Variants in ADAM12 observed in about 807,000 individuals in gnomAD.
ADAM12 encodes disintegrin and metalloproteinase domain-containing protein 12.
Under a neutral mutation model 106.4 loss-of-function variants are expected in ADAM12, and 70 were observed. That is an observed-to-expected ratio of 0.66 (90% CI 0.54 to 0.80). The LOEUF (loss-of-function observed/expected upper bound fraction) is 0.80. Ranked by LOEUF, ADAM12 falls within the 30% of genes least tolerant of loss-of-function variation. The pLI, the probability that ADAM12 is intolerant of heterozygous loss-of-function variation, is 0.00. For synonymous variants in ADAM12, 420 were observed against 433.5 expected (o/e 0.97, Z 0.39); for missense variants, 1,010 against 1,171.9 (o/e 0.86, Z 2.02).
At chr10:126,373,840 C>T (rs1856193300) in intron 1 of ADAM12, among the ~76,000 whole-genome samples, 1 of 152,162 alleles carries the variant, frequency 6.6e-6, no homozygotes, top group South Asian at 2.1e-4. Flanking sequence ...GAGCATCCAC[C>T]CACTGCCAAA....
chr10:126,072,184 C>A (rs1398229216), intron 11 of ADAM12, among the ~76,000 whole-genome samples: 2 of 152,164 alleles, frequency 1.3e-5, no homozygotes, highest in Non-Finnish European at 2.9e-5. Context: ...TATCTTCCCC[C>A]AGCACAGTTG....
At chr10:126,256,340 G>A (rs989182873) in intron 3 of ADAM12, among the ~76,000 whole-genome samples, 2 of 152,152 alleles carry the variant, frequency 1.3e-5, no homozygotes, top group South Asian at 4.1e-4. Context: ...TTTATGACCT[G>A]GACCCTTTGT....
intron 21 of ADAM12, among the ~76,000 whole-genome samples, chr10:126,020,992 C>CAAAA (rs3067295): frequency 0.18 from 17,336 of 97,854 alleles, 1,830 homozygotes; most frequent in East Asian, 0.25. Context: ...GACTCTGTCT[C>CAAAA]AAAAAAAAAA....
intron 11 of ADAM12, among the ~76,000 whole-genome samples, chr10:126,086,607 G>A (rs1169703478): frequency 7.9e-6 from 1 of 125,854 alleles, no homozygotes; most frequent in African/African-American, 3.1e-5. Context: ...AACCTGGGAT[G>A]CAGAGGTTGC....
At chr10:126,045,044 G>T (rs1954277963) in intron 17 of ADAM12, among the ~76,000 whole-genome samples, 1 of 152,170 alleles carries the variant, frequency 6.6e-6, no homozygotes, top group African/African-American at 2.4e-5. Flanking sequence ...GCAAATGCGG[G>T]CCTCTCCGCT....
intron 20 of ADAM12, among the ~76,000 whole-genome samples, chr10:126,037,040 CCAATCAT>C (rs1192434212): frequency 1.3e-5 from 2 of 152,174 alleles, no homozygotes; most frequent in East Asian, 3.9e-4. Context: ...CCCTCTCCCT[CCAATCAT>C]CAGTCTGCTT....
chr10:126,014,312 G>GTTTTTTTTTTTTTTTTTT lies in ADAM12; in HGVS notation c.*2966_*2967insAAAAAAAAAAAAAAAAAA, dbSNP rs145629858. 7 of 87,670 alleles carry GTTTTTTTTTTTTTTTTTT rather than the reference G, an allele frequency of 8.0e-5. 1 individual carries two copies. Among genetic ancestry groups the GTTTTTTTTTTTTTTTTTT allele is most frequent in the African/African-American group, 1.7e-4 (4 of 23,880 alleles). 5.4% of individuals were successfully genotyped at this position (87,670 alleles called of 1,614,324 possible). Reference sequence around the variant, plus strand: ...AGAACATTTTGACACAGTTTTAGCCGGTTTTTTTTTTTTTTTTTTTTTTTT... The same window carrying GTTTTTTTTTTTTTTTTTT: ...AGAACATTTTGACACAGTTTTAGCCGTTTTTTTTTTTTTTTTTTGTTTTTTTTTTTTTTTTTTTTTTTT... On this transcript the variant is annotated 3_prime_UTR_variant, in exon 23 of 23. Transcript: ENST00000448723.
At chr10:126,041,927 A>G in intron 18 of ADAM12, 1 of 1,413,524 alleles carries the variant, frequency 7.1e-7, no homozygotes, top group Non-Finnish European at 9.2e-7. Context: ...TCAACCAGGA[A>G]GTCGCTGCCC....
At chr10:126,223,641 G>A (rs965321392) in intron 3 of ADAM12, among the ~76,000 whole-genome samples, 10 of 152,214 alleles carry the variant, frequency 6.6e-5, no homozygotes, top group African/African-American at 9.6e-5. Flanking sequence ...AGAGCAGCCC[G>A]CGTGGCCCTT....
chr10:126,368,181 T>C (rs1012972601), intron 1 of ADAM12, among the ~76,000 whole-genome samples: 9 of 151,878 alleles, frequency 5.9e-5, no homozygotes, highest in Non-Finnish European at 1.2e-4. Flanking sequence ...AACAAATGAA[T>C]GGGCATACTA....
chr10:126,040,646 C>A lies in ADAM12; in HGVS notation c.2105-1217G>T, dbSNP rs138427211. ...TGGGCAAAATGTCACTCTTTTCAGA[C>A]CCTTAGTAGTGATCACAGGGGGCTC... On this transcript the variant is annotated intron_variant, in intron 18 of 22. Coordinates refer to ENST00000448723, the MANE Select transcript of ADAM12 (RefSeq NM_001288973.2). 4.2e-3 allele frequency among the ~76,000 whole-genome samples: 644 copies of A among 152,270 alleles called. 2 individuals are homozygous for A. The highest frequency in any genetic ancestry group is 5.8e-3 in the Admixed American group (88 of 15,298).
chr10:126,051,655 G>GCCAGCCA (rs1182485422), intron 14 of ADAM12, among the ~76,000 whole-genome samples: 1 of 145,942 alleles, frequency 6.9e-6, no homozygotes, highest in African/African-American at 2.6e-5. Flanking sequence ...CCAGCCAGCC[G>GCCAGCCA]GCCACCCATC....
At chr10:126,279,091 C>A (rs17154652) in intron 2 of ADAM12, 103 bp from the exon 3 acceptor site, 2 of 825,780 alleles carry the variant, frequency 2.4e-6, no homozygotes, top group African/African-American at 1.7e-5. Flanking sequence ...ATAAACGATG[C>A]GGTCAACCTA....
Position 126,243,730 on chromosome 10 carries a change from G to A in ADAM12, c.260+35185C>T, listed in dbSNP as rs143268057. On this transcript the variant is annotated intron_variant, in intron 3 of 22. Coordinates refer to ENST00000448723, the MANE Select transcript of ADAM12 (RefSeq NM_001288973.2). ...TACCCTGCTTTGTAGGTGTTTATAC[G>A]CAACTATCTAGACATTTTAGAGAAC... 7.4e-3 allele frequency among the ~76,000 whole-genome samples: 1,126 copies of A among 152,194 alleles called. 15 individuals carry two copies. Among genetic ancestry groups the A allele is most frequent in the African/African-American group, 0.026 (1,078 of 41,494 alleles).
intron 18 of ADAM12, chr10:126,042,146 G>A: frequency 1.2e-6 from 2 of 1,613,710 alleles, no homozygotes; most frequent in Non-Finnish European, 1.7e-6. Context: ...ATGAGTGTCA[G>A]TGAGGCAGTA....
intron 3 of ADAM12, among the ~76,000 whole-genome samples, chr10:126,217,890 G>A (rs1331431690): frequency 6.6e-6 from 1 of 151,442 alleles, no homozygotes; most frequent in Non-Finnish European, 1.5e-5. Flanking sequence ...CAGGAGAATT[G>A]CTTGAACCCG....
At chr10:126,345,450 A>G (rs559559963) in intron 1 of ADAM12, among the ~76,000 whole-genome samples, 1 of 152,042 alleles carries the variant, frequency 6.6e-6, no homozygotes, top group South Asian at 2.1e-4. Context: ...GGATTTTTGC[A>G]TTGATTTTAT....
intron 4 of ADAM12, among the ~76,000 whole-genome samples, chr10:126,143,546 T>G (rs2133696417): frequency 6.6e-6 from 1 of 151,532 alleles, no homozygotes; most frequent in Admixed American, 6.6e-5. Context: ...TGTATGGGTA[T>G]GCACGCATGT....
At chr10:126,272,617 C>T (rs1373809372) in intron 3 of ADAM12, among the ~76,000 whole-genome samples, 3 of 152,134 alleles carry the variant, frequency 2.0e-5, no homozygotes, top group Admixed American at 6.5e-5. Flanking sequence ...ATGGTTCCAT[C>T]GACATTTGTT....
Sources: gnomAD v4.1 joint callset for allele counts (sites outside exome capture counted in the v4.1 genomes callset) on GRCh38, gnomAD v4.1.1 for gene constraint, MANE v1.5 for transcripts, NCBI Gene and HGNC (gene_info 2026-07-23, HGNC 2026-07-21) for gene names.